Variants in SCHIP1 observed in about 807,000 individuals in gnomAD.
SCHIP1 encodes the protein schwannomin-interacting protein 1.
SCHIP1 carries 8 observed loss-of-function variants against 29.7 expected under a neutral mutation model. That is an observed-to-expected ratio of 0.27 (90% CI 0.16 to 0.49). SCHIP1 has a LOEUF of 0.49. Among genes scored for constraint, SCHIP1 ranks in the 20% least tolerant of loss-of-function variants. SCHIP1 has a pLI of 0.99. For synonymous variants in SCHIP1, 76 were observed against 94.9 expected (o/e 0.80, Z 1.16); for missense variants, 193 against 294.6 (o/e 0.66, Z 2.52).
chr3:159,669,103 C>T, the SCHIP1 span, among the ~76,000 whole-genome samples: 7 of 152,152 alleles, frequency 4.6e-5, no homozygotes, highest in Non-Finnish European at 8.8e-5. Flanking sequence ...GCTCCACCCC[C>T]GGGTCAAGTT....
At chr3:159,510,168 T>C in the SCHIP1 span, among the ~76,000 whole-genome samples, 1 of 152,218 alleles carries the variant, frequency 6.6e-6, no homozygotes, top group Non-Finnish European at 1.5e-5. Context: ...TGTTCATTTC[T>C]TTTTATTCTT....
chr3:159,573,571 C>T, the SCHIP1 span, among the ~76,000 whole-genome samples: 4 of 152,166 alleles, frequency 2.6e-5, no homozygotes, highest in Non-Finnish European at 5.9e-5. Context: ...CTTGATGAAT[C>T]TGAAGATTAT....
At chr3:159,375,239 C>T in the SCHIP1 span, among the ~76,000 whole-genome samples, 2 of 152,110 alleles carry the variant, frequency 1.3e-5, no homozygotes, top group Admixed American at 6.5e-5. Context: ...ACATGAGCTG[C>T]TTTGACAGTA....
the SCHIP1 span, among the ~76,000 whole-genome samples, chr3:159,376,125 G>C: frequency 6.6e-6 from 1 of 151,792 alleles, no homozygotes; most frequent in Non-Finnish European, 1.5e-5. Context: ...AAGCCAAAAA[G>C]CCCTGTTAGG....
At chr3:159,289,363 C>T in the SCHIP1 span, among the ~76,000 whole-genome samples, 1 of 152,158 alleles carries the variant, frequency 6.6e-6, no homozygotes, top group East Asian at 1.9e-4. Context: ...CTTCATATTG[C>T]CTCAGCCACA....
the SCHIP1 span, among the ~76,000 whole-genome samples, chr3:159,696,588 AT>A: frequency 2.2e-4 from 34 of 152,202 alleles, no homozygotes; most frequent in African/African-American, 7.5e-4. Context: ...ATTTATTCCC[AT>A]GTGTCCTACA....
the SCHIP1 span, among the ~76,000 whole-genome samples, chr3:159,399,849 T>A: frequency 2.0e-5 from 3 of 152,198 alleles, no homozygotes; most frequent in Non-Finnish European, 4.4e-5. Context: ...ACTAATTTTT[T>A]AAATTTTTTG....
At chr3:159,402,325 T>C in the SCHIP1 span, among the ~76,000 whole-genome samples, 4 of 152,198 alleles carry the variant, frequency 2.6e-5, no homozygotes, top group Admixed American at 2.6e-4. Flanking sequence ...ACTTTTACAG[T>C]GTTGGTGGGA....
the SCHIP1 span, among the ~76,000 whole-genome samples, chr3:159,478,851 A>T: frequency 2.0e-5 from 3 of 152,020 alleles, no homozygotes; most frequent in Non-Finnish European, 1.5e-5. Flanking sequence ...TTAATTTTAT[A>T]TTTGGATCAT....
the SCHIP1 span, among the ~76,000 whole-genome samples, chr3:159,639,598 G>T: frequency 6.6e-6 from 1 of 152,158 alleles, no homozygotes; most frequent in African/African-American, 2.4e-5. Flanking sequence ...TAGAGTTCCA[G>T]CAGTAAATCC....
chr3:159,723,702 T>C, the SCHIP1 span, among the ~76,000 whole-genome samples: 3 of 152,162 alleles, frequency 2.0e-5, no homozygotes, highest in Admixed American at 6.5e-5. Context: ...AGACACCTCT[T>C]CTCCCAAACA....
At chr3:159,593,654 G>A in the SCHIP1 span, among the ~76,000 whole-genome samples, 1 of 152,100 alleles carries the variant, frequency 6.6e-6, no homozygotes, top group East Asian at 1.9e-4. Context: ...GTCTCTCCTG[G>A]ACAGAAGGAA....
At chr3:159,415,295 T>C in the SCHIP1 span, among the ~76,000 whole-genome samples, 1 of 152,194 alleles carries the variant, frequency 6.6e-6, no homozygotes, top group Non-Finnish European at 1.5e-5. Context: ...TTGCTGGATA[T>C]TTTGTTTAAC....
the SCHIP1 span, among the ~76,000 whole-genome samples, chr3:159,477,470 A>G: frequency 1.3e-5 from 2 of 152,116 alleles, no homozygotes; most frequent in African/African-American, 2.4e-5. Flanking sequence ...TTTTGATAAA[A>G]GCTATTCTAA....
the SCHIP1 span, among the ~76,000 whole-genome samples, chr3:159,362,224 G>A: frequency 1.3e-5 from 2 of 152,168 alleles, no homozygotes; most frequent in Non-Finnish European, 1.5e-5. Context: ...TGTTATGAAG[G>A]AGAGAGTGGC....
chr3:159,887,946 C>A, intron 4 of SCHIP1, 41 bp downstream of exon 5: 1 of 1,608,440 alleles, frequency 6.2e-7, no homozygotes, highest in Non-Finnish European at 8.5e-7. Flanking sequence ...TGTTTGGGAG[C>A]CAGAAATGGT....
At chr3:159,552,001 T>C in the SCHIP1 span, among the ~76,000 whole-genome samples, 2 of 151,666 alleles carry the variant, frequency 1.3e-5, no homozygotes, top group Non-Finnish European at 2.9e-5. Context: ...TAATTTCATG[T>C]GAACAGATAT....
chr3:159,671,529 T>G, the SCHIP1 span, among the ~76,000 whole-genome samples: 1 of 152,182 alleles, frequency 6.6e-6, no homozygotes, highest in African/African-American at 2.4e-5. Flanking sequence ...CAATAAAGAT[T>G]TTTATCATGA....
At chr3:159,320,961 T>C in the SCHIP1 span, among the ~76,000 whole-genome samples, 1 of 152,060 alleles carries the variant, frequency 6.6e-6, no homozygotes, top group African/African-American at 2.4e-5. Flanking sequence ...TGGTGGTTAG[T>C]TTTATTTATT....
Sources: allele counts gnomAD v4.1 joint callset (sites outside exome capture counted in the v4.1 genomes callset), GRCh38; gene constraint gnomAD v4.1.1; transcripts MANE v1.5; gene names NCBI Gene and HGNC (gene_info 2026-07-23, HGNC 2026-07-21).